TMTC2: variants seen among roughly 807,000 people sequenced by gnomAD.
The protein encoded by TMTC2 is protein O-mannosyl-transferase TMTC2.
In TMTC2, 43 loss-of-function variants were observed where a neutral mutation model predicts 82.4. The ratio of observed to expected loss-of-function variants is 0.52; its 90% CI spans 0.41 to 0.67. The LOEUF (loss-of-function observed/expected upper bound fraction) is 0.67, where lower values mean the gene tolerates loss of function less well. Among genes scored for constraint, TMTC2 ranks in the 30% least tolerant of loss-of-function variants. TMTC2 has a pLI of 0.00. For synonymous variants in TMTC2, 408 were observed against 381.9 expected (o/e 1.07, Z -0.80); for missense variants, 919 against 1,012.4 (o/e 0.91, Z 1.25).
chr12:83,115,529 G>A (rs1423947063), intron 11 of TMTC2, among the ~76,000 whole-genome samples: 1 of 152,128 alleles, frequency 6.6e-6, no homozygotes, highest in Non-Finnish European at 1.5e-5. Context: ...TTATTTAGCA[G>A]TTTTACTTCA....
At chr12:82,835,442 CTT>C (rs1298853326) in intron 1 of TMTC2, among the ~76,000 whole-genome samples, 6 of 152,136 alleles carry the variant, frequency 3.9e-5, no homozygotes, top group Non-Finnish European at 8.8e-5. Context: ...TGACTCACAT[CTT>C]CCTATCCTGT....
At chr12:82,877,841 A>G (rs546646320) in intron 2 of TMTC2, among the ~76,000 whole-genome samples, 20 of 152,358 alleles carry the variant, frequency 1.3e-4, no homozygotes, top group Middle Eastern at 3.4e-3. Flanking sequence ...AGTAGAAGAA[A>G]AAACAAAATC....
At chr12:82,938,446 T>C (rs925300924) in intron 4 of TMTC2, among the ~76,000 whole-genome samples, 3 of 152,076 alleles carry the variant, frequency 2.0e-5, no homozygotes, top group Non-Finnish European at 4.4e-5. Context: ...AGTAGGGATA[T>C]GTGTTGGGGA....
At chr12:82,834,384 C>T (rs549256028) in intron 1 of TMTC2, among the ~76,000 whole-genome samples, 1 of 152,334 alleles carries the variant, frequency 6.6e-6, no homozygotes, top group South Asian at 2.1e-4. Context: ...TCTATAACCT[C>T]TGTTTGTGAA....
At chr12:82,947,119 G>T (rs1377283728) in intron 4 of TMTC2, among the ~76,000 whole-genome samples, 1 of 152,070 alleles carries the variant, frequency 6.6e-6, no homozygotes, top group Admixed American at 6.5e-5. Context: ...GGGTGACTGG[G>T]TTTTAACTGC....
intron 8 of TMTC2, among the ~76,000 whole-genome samples, chr12:83,005,904 A>C (rs866662555): frequency 2.5e-4 from 38 of 152,318 alleles, no homozygotes; most frequent in African/African-American, 8.7e-4. Context: ...CAGCAAAGTT[A>C]AGAGCCATGC....
rs1454048266 is a variant in TMTC2, at chr12:83,014,500, C to T, written c.2071-16298C>T. ...GACTACAGGCGTCCGCCACCACACC[C>T]GGCTAATTTTTGTATTTTTAGTAGA... On this transcript the variant is annotated intron_variant, in intron 8 of 11. Transcript: ENST00000321196. Among the ~76,000 whole-genome samples, 13 of 152,248 alleles carry T rather than the reference C, an allele frequency of 8.5e-5. No homozygotes were observed. In the South Asian group the frequency reaches 1.2e-3, roughly 15 times the overall value.
chr12:83,009,957 T>G (rs537705844), intron 8 of TMTC2, among the ~76,000 whole-genome samples: 1 of 152,200 alleles, frequency 6.6e-6, no homozygotes, highest in Admixed American at 6.5e-5. Context: ...AATCTAATGC[T>G]GCCACTGATC....
chr12:83,121,181 C>T (rs1884935950), intron 11 of TMTC2, among the ~76,000 whole-genome samples: 1 of 152,106 alleles, frequency 6.6e-6, no homozygotes, highest in Non-Finnish European at 1.5e-5. Context: ...TGGTTTGGAT[C>T]CATTGCTGGT....
At chr12:82,862,639 G>A (rs1871607359) in intron 2 of TMTC2, among the ~76,000 whole-genome samples, 1 of 152,040 alleles carries the variant, frequency 6.6e-6, no homozygotes. Context: ...AAATAATATT[G>A]TTATATGGGA....
chr12:82,753,045 G>A (rs1011256716), intron 1 of TMTC2, among the ~76,000 whole-genome samples: 3 of 151,902 alleles, frequency 2.0e-5, no homozygotes, highest in Non-Finnish European at 2.9e-5. Flanking sequence ...TTGAATGAGC[G>A]GCTCTCTTAA....
At chr12:82,725,313 A>G (rs1379278133) in intron 1 of TMTC2, among the ~76,000 whole-genome samples, 1 of 152,004 alleles carries the variant, frequency 6.6e-6, no homozygotes, top group Non-Finnish European at 1.5e-5. Flanking sequence ...CTTATTTTAT[A>G]TTTTCTGTCA....
intron 1 of TMTC2, among the ~76,000 whole-genome samples, chr12:82,714,360 G>A (rs1332233536): frequency 1.3e-5 from 2 of 152,168 alleles, no homozygotes; most frequent in East Asian, 3.8e-4. Flanking sequence ...AATTGGAATT[G>A]TTATATTTAA....
intron 1 of TMTC2, among the ~76,000 whole-genome samples, chr12:82,695,430 C>G (rs1872741392): frequency 6.6e-6 from 1 of 152,128 alleles, no homozygotes; most frequent in Non-Finnish European, 1.5e-5. Context: ...GTGTTAAGAT[C>G]ATTGTTATAA....
At chr12:82,805,497 CTTTTTTTTT>C (rs753878105) in intron 1 of TMTC2, among the ~76,000 whole-genome samples, 8,921 of 90,242 alleles carry the variant, frequency 0.099, 320 homozygotes, top group Middle Eastern at 0.2. Context: ...CCTCTCCCCA[CTTTTTTTTT>C]TTTTTTTTTT....
At chr12:82,816,144 C>CTTT (rs759486155) in intron 1 of TMTC2, among the ~76,000 whole-genome samples, 6 of 139,202 alleles carry the variant, frequency 4.3e-5, no homozygotes, top group African/African-American at 7.8e-5. Context: ...AATGTGCTAT[C>CTTT]TTTTTTTTTT....
Position 82,857,183 on chromosome 12 carries a change from G to A in TMTC2, c.257G>A (p.Ser86Asn), listed in dbSNP as rs767449074. The change falls in exon 2 of 12, where the codon AGC becomes AAC. Residue 86 changes from serine (S) to asparagine (N), a missense_variant. By Grantham distance (46) the Ser-to-Asn change is conservative. Transcript: ENST00000321196. ...NHAIGGLNPW[S>N]YHLVNVLLHA... ...GCCATTGGAGGGTTGAATCCCTGGA[G>A]CTACCATCTTGTCAATGTCCTGTTG... 6.2e-7 allele frequency: 1 copy of A among 1,614,082 alleles called. No individual in the cohort carries two copies. Among genetic ancestry groups the A allele is most frequent in the Non-Finnish European group, 8.5e-7 (1 of 1,180,022 alleles).
intron 11 of TMTC2, among the ~76,000 whole-genome samples, chr12:83,121,746 C>A (rs900743129): frequency 2.6e-5 from 4 of 151,978 alleles, no homozygotes; most frequent in African/African-American, 9.7e-5. Context: ...TCTTCAGTTA[C>A]CAGGGTGGGT....
At chr12:82,903,629 G>T (rs61931370) in intron 3 of TMTC2, among the ~76,000 whole-genome samples, 1 of 152,072 alleles carries the variant, frequency 6.6e-6, no homozygotes, top group Non-Finnish European at 1.5e-5. Context: ...TGGACAGGAT[G>T]GTCTCGATCT....
Sources: gnomAD v4.1 joint callset for allele counts (sites outside exome capture counted in the v4.1 genomes callset) on GRCh38, gnomAD v4.1.1 for gene constraint, MANE v1.5 for transcripts, NCBI Gene and HGNC (gene_info 2026-07-23, HGNC 2026-07-21) for gene names.